The following KCNT1 variants were observed in gnomAD, a reference collection of about 807,000 sequenced individuals.
KCNT1 encodes potassium sodium-activated channel subfamily T member 1, also known as potassium channel subfamily T member 1.
A neutral mutation model predicts 147.8 loss-of-function variants in KCNT1; 78 were observed. That is an observed-to-expected ratio of 0.53 (90% CI 0.44 to 0.64). The LOEUF (loss-of-function observed/expected upper bound fraction) is 0.64, where lower values mean the gene tolerates loss of function less well. Among genes scored for constraint, KCNT1 ranks in the 30% least tolerant of loss-of-function variants. KCNT1 has a pLI of 0.00. For missense variants in KCNT1, 1,419 were observed against 1,750.3 expected, an observed-to-expected ratio of 0.81 and a Z score of 3.38; for synonymous variants, 867 against 748.8, an observed-to-expected ratio of 1.16 and a Z score of -2.58.
At position 135,731,991 on chromosome 9, in the gene KCNT1, T is replaced by TAGAGAG. The variant is rs1189149987; in HGVS notation, c.254+17316_254+17321dup. ...ATATATATATATATATATATATATA[T>TAGAGAG]AGAGAGAGAGAGAGAGAGAGAGAGA... On this transcript the variant is annotated intron_variant, in intron 2 of 30. Coordinates refer to ENST00000371757, the MANE Select transcript of KCNT1 (RefSeq NM_020822.3). Among the ~76,000 whole-genome samples the TAGAGAG allele has an allele frequency of 4.8e-3, 104 of 21,662 alleles. 2 individuals are homozygous for TAGAGAG. The highest frequency in any genetic ancestry group is 7.2e-3 in the African/African-American group (41 of 5,694). The allele number at this position is 21,662 out of a possible 152,430, so 14.2% of individuals were successfully genotyped here. A position where few individuals can be genotyped will look rare whatever the true frequency, so the allele number is the denominator to read the frequency against.
rs1213626480 is a variant in KCNT1, at chr9:135,779,314, C to T, written c.2730-45C>T. On this transcript the variant is annotated intron_variant, in intron 23 of 30. Coordinates refer to ENST00000371757, the MANE Select transcript of KCNT1 (RefSeq NM_020822.3). Reference sequence around the variant, plus strand: ...TCATGGGCCCCCACCCTGAGACCTCCTACAACCACCATGGGCCCCGCCCTG... The same window carrying T: ...TCATGGGCCCCCACCCTGAGACCTCTTACAACCACCATGGGCCCCGCCCTG... 4 of 1,302,918 alleles carry T rather than the reference C, an allele frequency of 3.1e-6. No homozygotes were observed. In the South Asian group the frequency reaches 4.7e-5, roughly 15 times the overall value. The allele number at this position is 1,302,918 out of a possible 1,614,324, so 80.7% of individuals were successfully genotyped here.
chr9:135,758,306 C>T (rs1038541465), intron 9 of KCNT1, 108 bp from the exon 10 acceptor site: 3 of 818,702 alleles, frequency 3.7e-6, no homozygotes, highest in African/African-American at 3.3e-5. Flanking sequence ...AGCCGAGACG[C>T]AGGTGTGGCC....
intron 28 of KCNT1, 22 bp from the exon 29 acceptor site, chr9:135,786,174 CT>C: frequency 2.3e-6 from 2 of 883,686 alleles, no homozygotes; most frequent in Non-Finnish European, 3.1e-6. Flanking sequence ...CCTCCCCGCC[CT>C]GCCCTGCCCT....
Position 135,795,314 on chromosome 9 carries a change from T to C in KCNT1, c.*3153T>C, listed in dbSNP as rs1834739284. ...AAAAAAATAGCTAGACGTGGTGGCATGTGCATACAGTCCCAGGTACCCAAG... is the reference window on the plus strand; with the variant it reads ...AAAAAAATAGCTAGACGTGGTGGCACGTGCATACAGTCCCAGGTACCCAAG... On this transcript the variant is annotated 3_prime_UTR_variant, in exon 31 of 31. Coordinates refer to ENST00000371757, the MANE Select transcript of KCNT1 (RefSeq NM_020822.3). 1 of 150,284 alleles carries C rather than the reference T, an allele frequency of 6.7e-6. No individual in the cohort carries two copies. Among genetic ancestry groups the C allele is most frequent in the South Asian group, 2.1e-4 (1 of 4,784 alleles). The allele number at this position is 150,284 out of a possible 1,614,324, so 9.3% of individuals were successfully genotyped here.
In KCNT1 at chr9:135,759,654, C is replaced by T. The variant is rs775010192; in HGVS notation, c.855-25C>T. The T allele has an allele frequency of 4.8e-5, 75 of 1,576,498 alleles. No homozygotes were observed. The Admixed American group carries it at 1.1e-3, about 23-fold the overall frequency. On this transcript the variant is annotated intron_variant, in intron 10 of 30. Transcript: ENST00000371757. ...GCCCCCCAGCTCCTGGGCCCCAGGC[C>T]GCCCCTCACTGCCAGGGGTTGCAGG...
At chr9:135,763,708 G>C (rs189152182) in intron 11 of KCNT1, among the ~76,000 whole-genome samples, 17 of 152,294 alleles carry the variant, frequency 1.1e-4, no homozygotes, top group African/African-American at 4.1e-4. Flanking sequence ...CTCCAACCCA[G>C]GGTGACCTTA....
intron 2 of KCNT1, among the ~76,000 whole-genome samples, chr9:135,737,827 G>T (rs532759189): frequency 1.5e-3 from 233 of 152,326 alleles, no homozygotes; most frequent in Non-Finnish European, 3.1e-3. Flanking sequence ...CAGCCCTGGG[G>T]GGGCACTGCC....
chr9:135,713,547 G>C (rs1835590810), intron 1 of KCNT1, among the ~76,000 whole-genome samples: 1 of 152,180 alleles, frequency 6.6e-6, no homozygotes, highest in African/African-American at 2.4e-5. Flanking sequence ...CCCTGGACCT[G>C]GTGTTCCAAA....
chr9:135,704,775 C>T (rs763609057), intron 1 of KCNT1, among the ~76,000 whole-genome samples: 1 of 152,236 alleles, frequency 6.6e-6, no homozygotes, highest in Admixed American at 6.5e-5. Context: ...CCTGGCCAGC[C>T]CTCCAGGCCC....
At chr9:135,776,492 C>A (rs745712546) in intron 20 of KCNT1, among the ~76,000 whole-genome samples, 27 of 152,142 alleles carry the variant, frequency 1.8e-4, no homozygotes, top group Non-Finnish European at 3.7e-4. Flanking sequence ...GTCTCGAACT[C>A]CTGGACTCAA....
chr9:135,787,601 ACTGGG>A (rs1307199234), intron 29 of KCNT1, among the ~76,000 whole-genome samples: 10 of 152,118 alleles, frequency 6.6e-5, no homozygotes, highest in African/African-American at 1.7e-4. Context: ...CTCACGGGTG[ACTGGG>A]CTGGGCTGGC....
chr9:135,783,954 G>A (rs1159613423), intron 24 of KCNT1, 70 bp from the exon 25 acceptor site: 21 of 1,180,296 alleles, frequency 1.8e-5, no homozygotes, highest in Middle Eastern at 1.9e-4. Context: ...CAGTGCCCTC[G>A]ACCCCGTGGC....
intron 21 of KCNT1, among the ~76,000 whole-genome samples, chr9:135,777,920 T>C (rs1364826428): frequency 6.7e-6 from 1 of 148,714 alleles, no homozygotes; most frequent in South Asian, 2.2e-4. Flanking sequence ...AGCTCCTCCC[T>C]GCTCCCAGTT....
chr9:135,737,823 TG>T (rs989317402), intron 2 of KCNT1, among the ~76,000 whole-genome samples: 6 of 152,086 alleles, frequency 3.9e-5, no homozygotes, highest in South Asian at 2.1e-4. Flanking sequence ...ACAGCAGCCC[TG>T]GGGGGGCACT....
chr9:135,768,984 CGT>C (rs1270970037), intron 15 of KCNT1, 47 bp downstream of exon 15: 1 of 1,392,852 alleles, frequency 7.2e-7, no homozygotes, highest in East Asian at 2.3e-5. Context: ...GGGCAGGGCA[CGT>C]GTGCACACGT....
intron 1 of KCNT1, among the ~76,000 whole-genome samples, chr9:135,713,513 A>G (rs941546074): frequency 6.6e-6 from 1 of 152,242 alleles, no homozygotes; most frequent in Middle Eastern, 3.4e-3. Flanking sequence ...CGACTTGAGG[A>G]GAGAGAGGAG....
intron 2 of KCNT1, among the ~76,000 whole-genome samples, chr9:135,726,736 C>CCTCCCTCT (rs1409006509): frequency 2.5e-5 from 3 of 122,072 alleles, no homozygotes. Flanking sequence ...TCTACCTTTC[C>CCTCCCTCT]CTCCCTCTCT....
intron 11 of KCNT1, among the ~76,000 whole-genome samples, chr9:135,763,241 C>T (rs1031430201): frequency 2.0e-5 from 3 of 152,230 alleles, no homozygotes; most frequent in South Asian, 4.1e-4. Context: ...CTGCCTCCTC[C>T]GAATGACTGG....
chr9:135,731,986 A>ATATATATT (rs1836475324), intron 2 of KCNT1, among the ~76,000 whole-genome samples: 1 of 64,004 alleles, frequency 1.6e-5, no homozygotes, highest in Non-Finnish European at 3.1e-5. Flanking sequence ...ATATATATAT[A>ATATATATT]TATATAGAGA....
Sources: allele counts gnomAD v4.1 joint callset (sites outside exome capture counted in the v4.1 genomes callset), GRCh38; gene constraint gnomAD v4.1.1; transcripts MANE v1.5; gene names NCBI Gene and HGNC (gene_info 2026-07-23, HGNC 2026-07-21).